PLCB1: variants seen among roughly 807,000 people sequenced by gnomAD.
PLCB1 encodes the protein phospholipase C beta 1, also known as 1-phosphatidylinositol 4,5-bisphosphate phosphodiesterase beta-1.
PLCB1 carries 46 observed loss-of-function variants against 161.8 expected under a neutral mutation model. The ratio of observed to expected loss-of-function variants is 0.28; its 90% CI spans 0.22 to 0.36. PLCB1 has a LOEUF of 0.36. Ranked by LOEUF, PLCB1 falls within the 10% of genes least tolerant of loss-of-function variation. The probability of loss-of-function intolerance (pLI) is 1.00; values close to 1 mark genes in which losing one functional copy is unlikely to be tolerated. For missense variants in PLCB1, 1,016 were observed against 1,472.5 expected (o/e 0.69, Z 5.07); for synonymous variants, 517 against 503.7 (o/e 1.03, Z -0.35).
chr20:8,222,691 C>T (rs763759812), intron 2 of PLCB1, among the ~76,000 whole-genome samples: 13 of 152,100 alleles, frequency 8.5e-5, no homozygotes, highest in Non-Finnish European at 1.8e-4. Flanking sequence ...TCTTTTGGGA[C>T]TCCAATTACA....
intron 2 of PLCB1, among the ~76,000 whole-genome samples, chr20:8,329,184 C>T (rs1037999571): frequency 1.3e-5 from 2 of 152,156 alleles, no homozygotes; most frequent in Non-Finnish European, 2.9e-5. Flanking sequence ...GAAACAAATT[C>T]CAGCCACTTG....
chr20:8,604,946 A>C (rs1229432179), intron 3 of PLCB1, among the ~76,000 whole-genome samples: 1 of 152,106 alleles, frequency 6.6e-6, no homozygotes, highest in Non-Finnish European at 1.5e-5. Context: ...GGATTTTTTT[A>C]AGTAAATTTA....
chr20:8,682,979 AC>A (rs765339414), intron 9 of PLCB1, among the ~76,000 whole-genome samples: 17 of 152,120 alleles, frequency 1.1e-4, no homozygotes, highest in Non-Finnish European at 2.4e-4. Context: ...AAAATTAGAA[AC>A]AACTTTAATG....
At chr20:8,532,342 CA>C (rs1314379766) in intron 3 of PLCB1, among the ~76,000 whole-genome samples, 2 of 152,176 alleles carry the variant, frequency 1.3e-5, no homozygotes, top group Non-Finnish European at 2.9e-5. Context: ...GTCAGGTACA[CA>C]TTTTGGTTGC....
At chr20:8,644,710 G>GT (rs1568543921) in intron 4 of PLCB1, among the ~76,000 whole-genome samples, 1 of 149,972 alleles carries the variant, frequency 6.7e-6, no homozygotes, top group Non-Finnish European at 1.5e-5. Flanking sequence ...AGGTGGGGGG[G>GT]TCAGCCCCCC....
intron 3 of PLCB1, among the ~76,000 whole-genome samples, chr20:8,483,308 C>T (rs1982585325): frequency 6.6e-6 from 1 of 152,174 alleles, no homozygotes; most frequent in African/African-American, 2.4e-5. Context: ...AGCTGTTCTA[C>T]CTTTTTCTAA....
chr20:8,603,368 A>G (rs1987656073), intron 3 of PLCB1, among the ~76,000 whole-genome samples: 2 of 152,176 alleles, frequency 1.3e-5, no homozygotes, highest in Admixed American at 6.6e-5. Flanking sequence ...TCGGGTTAAC[A>G]TTTGCACTTT....
intron 31 of PLCB1, among the ~76,000 whole-genome samples, chr20:8,828,569 G>A (rs562479787): frequency 7.9e-5 from 12 of 152,236 alleles, no homozygotes; most frequent in African/African-American, 2.9e-4. Flanking sequence ...ATTGGGACAG[G>A]CTTAAATACA....
chr20:8,234,826 A>G (rs1980238284), intron 2 of PLCB1, among the ~76,000 whole-genome samples: 1 of 152,128 alleles, frequency 6.6e-6, no homozygotes, highest in Non-Finnish European at 1.5e-5. Context: ...AGACAGTGTG[A>G]GTGAATTTCT....
intron 31 of PLCB1, among the ~76,000 whole-genome samples, chr20:8,850,932 C>T (rs970110266): frequency 3.3e-5 from 5 of 152,206 alleles, no homozygotes; most frequent in African/African-American, 1.2e-4. Flanking sequence ...AATCTTTAAG[C>T]CAGAGATCGC....
intron 31 of PLCB1, among the ~76,000 whole-genome samples, chr20:8,852,010 G>T (rs577599241): frequency 6.6e-6 from 1 of 152,070 alleles, no homozygotes; most frequent in Non-Finnish European, 1.5e-5. Context: ...TTAAAAACCC[G>T]ACTACAGCTA....
intron 2 of PLCB1, among the ~76,000 whole-genome samples, chr20:8,363,002 G>T (rs1402386826): frequency 6.6e-6 from 1 of 152,070 alleles, no homozygotes; most frequent in African/African-American, 2.4e-5. Context: ...TCTGTTCCCA[G>T]TTACTATGAT....
chr20:8,456,406 A>G (rs918105927), intron 3 of PLCB1, among the ~76,000 whole-genome samples: 3 of 152,204 alleles, frequency 2.0e-5, no homozygotes, highest in Non-Finnish European at 4.4e-5. Flanking sequence ...TTCATTGAGA[A>G]GTGAAATAAT....
At chr20:8,676,682 G>T (rs6140682) in intron 9 of PLCB1, among the ~76,000 whole-genome samples, 7,822 of 150,488 alleles carry the variant, frequency 0.052, 263 homozygotes, top group East Asian at 0.13. Context: ...CTGCAGTGAT[G>T]CCTTACCAAC....
rs77939738 is a variant in PLCB1 at position 8,571,747 on chromosome 20, G to A, written c.247-56547G>A. ...ATGTGAGCAACTGGTGGGTTGATGG[G>A]CTGTGACCAAGATGAGGAAAACGAG... On this transcript the variant is annotated intron_variant, in intron 3 of 31. Coordinates refer to ENST00000338037, the MANE Select transcript of PLCB1 (RefSeq NM_015192.4). Among the ~76,000 whole-genome samples the A allele has an allele frequency of 6.1e-4, 93 of 152,294 alleles. 2 individuals are homozygous for A. In the East Asian group the frequency reaches 0.017, roughly 28 times the overall value.
At chr20:8,337,627 A>C (rs1432780760) in intron 2 of PLCB1, among the ~76,000 whole-genome samples, 1 of 152,204 alleles carries the variant, frequency 6.6e-6, no homozygotes, top group Non-Finnish European at 1.5e-5. Flanking sequence ...GATACATCTG[A>C]AACTTTTATA....
At chr20:8,695,116 A>C (rs2123422479) in intron 10 of PLCB1, among the ~76,000 whole-genome samples, 1 of 152,260 alleles carries the variant, frequency 6.6e-6, no homozygotes, top group South Asian at 2.1e-4. Context: ...TGCTTTTCCA[A>C]ATGCATCTTT....
intron 10 of PLCB1, 149 bp downstream of exon 10, chr20:8,685,227 C>T (rs1022951378): frequency 8.6e-6 from 6 of 701,220 alleles, no homozygotes; most frequent in Middle Eastern, 3.7e-4. Flanking sequence ...CTAAAGCCTC[C>T]CGCCTCCCAT....
intron 11 of PLCB1, among the ~76,000 whole-genome samples, chr20:8,707,728 G>A (rs1458906716): frequency 2.6e-5 from 4 of 152,140 alleles, no homozygotes; most frequent in Non-Finnish European, 4.4e-5. Flanking sequence ...TGACAGCTCT[G>A]AAAATGTAGC....
Sources: gnomAD v4.1 joint callset for allele counts (sites outside exome capture counted in the v4.1 genomes callset) on GRCh38, gnomAD v4.1.1 for gene constraint, MANE v1.5 for transcripts, NCBI Gene and HGNC (gene_info 2026-07-23, HGNC 2026-07-21) for gene names.